Variants in PIEZO2 observed in about 807,000 individuals in gnomAD.
PIEZO2 encodes piezo-type mechanosensitive ion channel component 2.
In PIEZO2, 172 loss-of-function variants were observed where a neutral mutation model predicts 337.3. The observed-to-expected ratio is 0.51, with a 90% CI of 0.45 to 0.58. The LOEUF (loss-of-function observed/expected upper bound fraction) is 0.58, where lower values mean the gene tolerates loss of function less well. PIEZO2 is among the 20% of genes least tolerant of loss of function. The probability of loss-of-function intolerance (pLI) is 0.00; values close to 1 mark genes in which losing one functional copy is unlikely to be tolerated. For synonymous variants in PIEZO2, 1,251 were observed against 1,228.5 expected, an observed-to-expected ratio of 1.02 and a Z score of -0.38; for missense variants, 3,028 against 3,391.3, an observed-to-expected ratio of 0.89 and a Z score of 2.66.
At chr18:11,025,108 A>G (rs187363026) in intron 2 of PIEZO2, among the ~76,000 whole-genome samples, 1 of 152,210 alleles carries the variant, frequency 6.6e-6, no homozygotes, top group East Asian at 1.9e-4. Context: ...TAGGCTCTCA[A>G]GCCAAACTGC....
chr18:11,148,940 G>GGA lies in PIEZO2; in HGVS notation c.-354_-353dup, dbSNP rs1324643015. On this transcript the variant is annotated 5_prime_UTR_variant, in exon 1 of 56. Transcript: ENST00000674853. This position sits in a 1 kb window ranked among gnomAD's most constrained non-coding sequence, Gnocchi z 5.2. ...CGGGGCCTTGGAGAGGGACGCTTTG[G>GGA]GAGGGTCCTGGGAGGCGGCGCGGCG... Among the ~76,000 whole-genome samples, 3 of 152,140 alleles carry GGA rather than the reference G, an allele frequency of 2.0e-5. No homozygotes were observed. The highest frequency in any genetic ancestry group is 4.4e-5 in the Non-Finnish European group (3 of 68,008).
intron 2 of PIEZO2, among the ~76,000 whole-genome samples, chr18:11,020,775 G>A (rs2036281499): frequency 6.6e-6 from 1 of 152,150 alleles, no homozygotes; most frequent in South Asian, 2.1e-4. Context: ...ATCCTTTGCT[G>A]AAACCTGAAG....
At chr18:11,107,121 C>G (rs2039592648) in intron 1 of PIEZO2, among the ~76,000 whole-genome samples, 1 of 152,134 alleles carries the variant, frequency 6.6e-6, no homozygotes, top group Admixed American at 6.5e-5. Flanking sequence ...GGTAGATTAA[C>G]AAGCTGTCTG....
At chr18:10,765,394 G>A (rs1201458712) in intron 21 of PIEZO2, among the ~76,000 whole-genome samples, 1 of 152,218 alleles carries the variant, frequency 6.6e-6, no homozygotes, top group Non-Finnish European at 1.5e-5. Flanking sequence ...GTGAAGTGGT[G>A]TGGGCTGGAT....
chr18:10,898,651 A>T (rs1158200562), intron 4 of PIEZO2, among the ~76,000 whole-genome samples: 1 of 152,158 alleles, frequency 6.6e-6, no homozygotes, highest in Non-Finnish European at 1.5e-5. Context: ...CTTGTCTAGG[A>T]AGAATGAGGT....
intron 7 of PIEZO2, among the ~76,000 whole-genome samples, chr18:10,831,636 A>C (rs927250233): frequency 4.6e-5 from 7 of 152,306 alleles, no homozygotes; most frequent in South Asian, 2.1e-4. Flanking sequence ...TAAAATAACT[A>C]CAAGAGTAGA....
intron 1 of PIEZO2, among the ~76,000 whole-genome samples, chr18:11,084,163 T>G (rs1311937679): frequency 4.6e-5 from 4 of 87,528 alleles, no homozygotes; most frequent in East Asian, 3.0e-4. Flanking sequence ...GGCAAAAGAG[T>G]GAAACTCTGT....
At position 10,953,979 on chromosome 18, in the gene PIEZO2, A is replaced by C. The variant is rs1448336671; in HGVS notation, c.286+25556T>G. Among the ~76,000 whole-genome samples, 1 of 152,244 alleles carries C rather than the reference A, an allele frequency of 6.6e-6. No individual in the cohort carries two copies. The highest frequency in any genetic ancestry group is 1.5e-5 in the Non-Finnish European group (1 of 68,050). On this transcript the variant is annotated intron_variant, in intron 3 of 55. Transcript: ENST00000674853. This position sits in a 1 kb window ranked among gnomAD's most constrained non-coding sequence, Gnocchi z 5.2. Reference sequence around the variant, plus strand: ...GGACCAGGTGGTGTGCAGCTGGTTCAGCACAGGGTCACATCTGCTGAAAGC... The same window carrying C: ...GGACCAGGTGGTGTGCAGCTGGTTCCGCACAGGGTCACATCTGCTGAAAGC...
rs2038278939 is a variant in PIEZO2 at position 11,069,918 on chromosome 18, C to A, written c.65-3696G>T. On this transcript the variant is annotated intron_variant, in intron 1 of 55. Coordinates refer to ENST00000674853, the MANE Select transcript of PIEZO2 (RefSeq NM_001378183.1). The surrounding 1 kb of genome is among the most constrained non-coding windows in gnomAD (Gnocchi z 4.9). ...AAAGAAATTTAAAAAATCCCATTCA[C>A]AATAGCTACAAATAATACTTAGAAA... 2.0e-5 allele frequency among the ~76,000 whole-genome samples: 3 copies of A among 152,138 alleles called. No homozygotes were observed. Among genetic ancestry groups the A allele is most frequent in the South Asian group, 2.1e-4 (1 of 4,830 alleles).
At chr18:10,926,427 A>C (rs941440960) in intron 3 of PIEZO2, among the ~76,000 whole-genome samples, 5 of 152,206 alleles carry the variant, frequency 3.3e-5, no homozygotes, top group Non-Finnish European at 7.3e-5. Flanking sequence ...TTTGGTGACT[A>C]TCTTAGCAGC....
At chr18:10,906,825 T>G (rs2029983195) in intron 4 of PIEZO2, among the ~76,000 whole-genome samples, 1 of 151,898 alleles carries the variant, frequency 6.6e-6, no homozygotes, top group Admixed American at 6.6e-5. Context: ...CCTCCCAAAG[T>G]GCTGGGATTA....
At position 11,033,542 on chromosome 18, in the gene PIEZO2, G is replaced by A. The variant is rs1366656407; in HGVS notation, c.160+32585C>T. ...TGCCTCCAAGACACACTTAAGGAAC[G>A]CATTCCATGACACATGTTTGACTCC... On this transcript the variant is annotated intron_variant, in intron 2 of 55. Transcript: ENST00000674853. The surrounding 1 kb of genome is among the most constrained non-coding windows in gnomAD (Gnocchi z 4.2). Among the ~76,000 whole-genome samples, 3 of 152,180 alleles carry A rather than the reference G, an allele frequency of 2.0e-5. No homozygotes were observed. Among genetic ancestry groups the A allele is most frequent in the Non-Finnish European group, 4.4e-5 (3 of 68,028 alleles).
chr18:10,919,449 T>A (rs1160174305), intron 3 of PIEZO2, among the ~76,000 whole-genome samples: 6 of 152,138 alleles, frequency 3.9e-5, no homozygotes, highest in Admixed American at 6.5e-5. Context: ...AGGAATTTTT[T>A]AATATCCAAA....
chr18:10,918,269 A>G (rs2031148995), intron 3 of PIEZO2, among the ~76,000 whole-genome samples: 1 of 152,126 alleles, frequency 6.6e-6, no homozygotes, highest in African/African-American at 2.4e-5. Context: ...AAGACAAAAC[A>G]TTATTTATCA....
chr18:10,981,633 T>C (rs2034670250), intron 2 of PIEZO2, among the ~76,000 whole-genome samples: 1 of 152,300 alleles, frequency 6.6e-6, no homozygotes, highest in South Asian at 2.1e-4. Flanking sequence ...GGATTCAAAA[T>C]ATTGTTCCTG....
In PIEZO2 at chr18:11,066,158, C is replaced by G. The variant is rs2038142511; in HGVS notation, c.129G>C (p.Leu43=). The G allele has an allele frequency of 2.6e-6, 4 of 1,530,388 alleles. No homozygotes were observed. The African/African-American group carries it at 4.1e-5, about 16-fold the overall frequency. 94.8% of individuals were successfully genotyped at this position (1,530,388 alleles called of 1,614,324 possible). Reference sequence around the variant, plus strand: ...TCGTCGTTTTTGTTGGTTCTGAGAACAGAGGAATGAGCAAGAGGTAGATAA... The same window carrying G: ...TCGTCGTTTTTGTTGGTTCTGAGAAGAGAGGAATGAGCAAGAGGTAGATAA... ...VYLIYLLLIP[L]FSEPTKTTMQ... Residue 43 remains leucine (L), a synonymous_variant, in exon 2 of 56, where the codon CTG becomes CTC. Transcript: ENST00000674853.
At position 10,855,543 on chromosome 18, in the gene PIEZO2, A is replaced by G; in HGVS notation, c.727T>C (p.Ser243Pro). The G allele has an allele frequency of 6.5e-7, 1 of 1,536,878 alleles. No homozygotes were observed. The highest frequency in any genetic ancestry group is 8.7e-7 in the Non-Finnish European group (1 of 1,146,824). The change falls in exon 7 of 56, where the codon TCA becomes CCA. Residue 243 changes from serine to proline, a missense_variant. Ser to Pro is a moderately conservative substitution (Grantham distance 74). Coordinates refer to ENST00000674853, the MANE Select transcript of PIEZO2 (RefSeq NM_001378183.1). This position sits in a 1 kb window ranked among gnomAD's most constrained non-coding sequence, Gnocchi z 4.9. Reference protein sequence around the residue: ...SSGMMLPSLTSSVYFFVFLGL... With the variant: ...SSGMMLPSLTPSVYFFVFLGL... ...AAAAATACAAAAAAATACACAGATGATGTCAAAGACGGCAACATCATGCCT... is the reference window on the plus strand; with the variant it reads ...AAAAATACAAAAAAATACACAGATGGTGTCAAAGACGGCAACATCATGCCT...
intron 36 of PIEZO2, among the ~76,000 whole-genome samples, chr18:10,723,017 G>T (rs1164308624): frequency 1.4e-5 from 2 of 145,976 alleles, no homozygotes; most frequent in Non-Finnish European, 3.0e-5. Context: ...GCCCAGGCTG[G>T]AGTGCAATGG....
At chr18:10,992,074 GTTGT>G (rs1286772771) in intron 2 of PIEZO2, among the ~76,000 whole-genome samples, 1 of 152,108 alleles carries the variant, frequency 6.6e-6, no homozygotes, top group African/African-American at 2.4e-5. Context: ...TTTTGATGGT[GTTGT>G]TTGTTTTTTT....
Sources: allele counts gnomAD v4.1 joint callset (sites outside exome capture counted in the v4.1 genomes callset), GRCh38; gene constraint gnomAD v4.1.1; non-coding constraint Gnocchi (gnomAD v3.1); transcripts MANE v1.5; gene names NCBI Gene and HGNC (gene_info 2026-07-23, HGNC 2026-07-21).